Variants in SUGCT observed in about 807,000 individuals in gnomAD.
The protein encoded by SUGCT is succinyl-CoA:glutarate-CoA transferase.
In SUGCT, 41 loss-of-function variants were observed where a neutral mutation model predicts 55.0. The observed-to-expected ratio is 0.74, with a 90% confidence interval of 0.58 to 0.97. The LOEUF (loss-of-function observed/expected upper bound fraction) is 0.97, where lower values mean the gene tolerates loss of function less well. SUGCT is among the 50% of genes least tolerant of loss of function. The probability of loss-of-function intolerance (pLI) is 0.00; values close to 1 mark genes in which losing one functional copy is unlikely to be tolerated. For missense variants in SUGCT, 568 were observed against 547.8 expected, an observed-to-expected ratio of 1.04 and a Z score of -0.37; for synonymous variants, 187 against 200.4, an observed-to-expected ratio of 0.93 and a Z score of 0.56.
intron 6 of SUGCT, among the ~76,000 whole-genome samples, chr7:40,228,689 T>C (rs1052961820): frequency 6.6e-6 from 1 of 152,208 alleles, no homozygotes; most frequent in Non-Finnish European, 1.5e-5. Flanking sequence ...AGTTCTATCA[T>C]TCCTTCTTCA....
intron 12 of SUGCT, among the ~76,000 whole-genome samples, chr7:40,697,135 C>T (rs901578248): frequency 6.6e-6 from 1 of 152,162 alleles, no homozygotes; most frequent in Non-Finnish European, 1.5e-5. Flanking sequence ...TATTCATATA[C>T]TTATTCAAAA....
the SUGCT span, among the ~76,000 whole-genome samples, chr7:41,030,445 T>C: frequency 6.6e-6 from 1 of 152,170 alleles, no homozygotes; most frequent in African/African-American, 2.4e-5. Flanking sequence ...AGTGATAACA[T>C]ACAGTCTGGA....
chr7:40,354,140 G>A lies in SUGCT; in HGVS notation c.816+37285G>A, dbSNP rs140626074. 8.5e-3 allele frequency among the ~76,000 whole-genome samples: 1,290 copies of A among 152,228 alleles called. 13 individuals carry two copies. Among genetic ancestry groups the A allele is most frequent in the Non-Finnish European group, 0.013 (899 of 68,010 alleles). ...CTTTTCACACTGTGTAAGGTGGAAG[G>A]GAGTTTCTGGCTTAACCAGGGGAAG... On this transcript the variant is annotated intron_variant, in intron 9 of 13. Coordinates refer to ENST00000335693, the MANE Select transcript of SUGCT (RefSeq NM_001193313.2).
intron 9 of SUGCT, among the ~76,000 whole-genome samples, chr7:40,348,689 T>C (rs1562702943): frequency 6.6e-6 from 1 of 152,206 alleles, no homozygotes; most frequent in Non-Finnish European, 1.5e-5. Flanking sequence ...TCATCAATGT[T>C]ATTTTTGCTC....
chr7:40,881,168 A>G, the SUGCT span, among the ~76,000 whole-genome samples: 1 of 152,140 alleles, frequency 6.6e-6, no homozygotes, highest in Non-Finnish European at 1.5e-5. Flanking sequence ...CCATGTTCTC[A>G]GAAACCTAGA....
chr7:40,842,958 T>A (rs2128790929), intron 13 of SUGCT, among the ~76,000 whole-genome samples: 1 of 152,296 alleles, frequency 6.6e-6, no homozygotes, highest in East Asian at 1.9e-4. Context: ...ACAGAATTTG[T>A]TTTTTGAGGT....
At chr7:40,234,093 C>T (rs2150867273) in intron 6 of SUGCT, among the ~76,000 whole-genome samples, 1 of 152,304 alleles carries the variant, frequency 6.6e-6, no homozygotes, top group African/African-American at 2.4e-5. Context: ...ATTTTTCCTG[C>T]AGGCCTTTAT....
intron 1 of SUGCT, among the ~76,000 whole-genome samples, chr7:40,170,378 G>T (rs1334698398): frequency 6.6e-6 from 1 of 152,150 alleles, no homozygotes. Context: ...GGTTATCTGA[G>T]AATTTACCTA....
chr7:40,697,562 C>T (rs532483430), intron 12 of SUGCT, among the ~76,000 whole-genome samples: 6 of 152,112 alleles, frequency 3.9e-5, no homozygotes, highest in South Asian at 2.1e-4. Flanking sequence ...CACTTGAACC[C>T]GGGAGGCGGA....
the SUGCT span, among the ~76,000 whole-genome samples, chr7:41,038,733 T>G: frequency 6.6e-6 from 1 of 152,084 alleles, no homozygotes; most frequent in African/African-American, 2.4e-5. Context: ...ATACCATGCC[T>G]CATAGTTTCC....
At chr7:40,358,435 G>T (rs1025864953) in intron 9 of SUGCT, among the ~76,000 whole-genome samples, 1 of 152,134 alleles carries the variant, frequency 6.6e-6, no homozygotes, top group South Asian at 2.1e-4. Context: ...TCAGAGGGCC[G>T]GGCGCAGTGG....
At position 40,377,187 on chromosome 7, in the gene SUGCT, TTTC is replaced by T. The variant is rs1467212551; in HGVS notation, c.816+60335_816+60337del. Among the ~76,000 whole-genome samples, 56 of 12,682 alleles carry T rather than the reference TTTC, an allele frequency of 4.4e-3. 10 individuals are homozygous for T. The South Asian group carries it at 0.12, about 27-fold the overall frequency. The allele number at this position is 12,682 out of a possible 152,430, so 8.3% of individuals were successfully genotyped here. ...CTTTCTTTCTTTCTTTCTTTCTTTCTTTCTTTCTTTCTTTTCTTTTCTTTTCTT... is the reference window on the plus strand; with the variant it reads ...CTTTCTTTCTTTCTTTCTTTCTTTCTTTTCTTTCTTTTCTTTTCTTTTCTT... On this transcript the variant is annotated intron_variant, in intron 9 of 13. Coordinates refer to ENST00000335693, the MANE Select transcript of SUGCT (RefSeq NM_001193313.2).
chr7:40,728,644 A>G (rs1249111527), intron 12 of SUGCT, among the ~76,000 whole-genome samples: 2 of 152,188 alleles, frequency 1.3e-5, no homozygotes, highest in African/African-American at 4.8e-5. Flanking sequence ...AACTGAATGA[A>G]AGGAGGACTT....
At chr7:40,319,746 C>T (rs1330544560) in intron 9 of SUGCT, among the ~76,000 whole-genome samples, 3 of 152,262 alleles carry the variant, frequency 2.0e-5, no homozygotes, top group South Asian at 2.1e-4. Context: ...GTTAGACAAA[C>T]GTAGACAGAG....
intron 7 of SUGCT, among the ~76,000 whole-genome samples, chr7:40,266,521 T>C (rs1791591630): frequency 6.6e-6 from 1 of 152,086 alleles, no homozygotes; most frequent in Admixed American, 6.6e-5. Flanking sequence ...CCATTTCCTT[T>C]AATGTTAACA....
chr7:40,295,711 A>G (rs62456136), intron 8 of SUGCT, among the ~76,000 whole-genome samples: 2,869 of 152,306 alleles, frequency 0.019, 39 homozygotes, highest in Non-Finnish European at 0.026. Context: ...TGAAAACTAA[A>G]CTTTAGAATT....
intron 7 of SUGCT, among the ~76,000 whole-genome samples, chr7:40,262,016 T>C (rs911483072): frequency 7.9e-5 from 12 of 152,188 alleles, no homozygotes; most frequent in African/African-American, 2.9e-4. Flanking sequence ...TTTAAACTCA[T>C]GAGGACAGAC....
At chr7:40,184,188 G>A (rs1054995995) in intron 3 of SUGCT, among the ~76,000 whole-genome samples, 2 of 152,086 alleles carry the variant, frequency 1.3e-5, no homozygotes, top group African/African-American at 4.8e-5. Flanking sequence ...AAAGGAACGT[G>A]TCATTGTTTT....
intron 8 of SUGCT, among the ~76,000 whole-genome samples, chr7:40,275,315 G>A (rs919766116): frequency 1.3e-5 from 2 of 152,142 alleles, no homozygotes; most frequent in African/African-American, 4.8e-5. Flanking sequence ...TGGTAGTCTG[G>A]TGAAGTCTGG....
Sources: allele counts gnomAD v4.1 joint callset (sites outside exome capture counted in the v4.1 genomes callset), GRCh38; gene constraint gnomAD v4.1.1; transcripts MANE v1.5; gene names NCBI Gene and HGNC (gene_info 2026-07-23, HGNC 2026-07-21).